Variants in TTC4 observed in about 807,000 individuals in gnomAD.
TTC4 encodes the protein hsp70/Hsp90 co-chaperone CNS1 homolog.
In TTC4, 36 loss-of-function variants were observed where a neutral mutation model predicts 51.9. The ratio of observed to expected loss-of-function variants is 0.69; its 90% CI spans 0.53 to 0.92. TTC4 has a LOEUF of 0.92. Ranked by LOEUF, TTC4 falls within the 40% of genes least tolerant of loss-of-function variation. The pLI is 0.00. For missense variants in TTC4, 399 were observed against 454.6 expected, an observed-to-expected ratio of 0.88 and a Z score of 1.11; for synonymous variants, 144 against 164.2, an observed-to-expected ratio of 0.88 and a Z score of 0.94.
At chr1:54,740,463 C>T (rs145218319) in intron 9 of TTC4, among the ~76,000 whole-genome samples, 1 of 152,294 alleles carries the variant, frequency 6.6e-6, no homozygotes, top group East Asian at 1.9e-4. Flanking sequence ...CTCATTTTCT[C>T]AGTTGTTAGC....
At chr1:54,724,147 A>G (rs756386461) in intron 5 of TTC4, among the ~76,000 whole-genome samples, 1 of 152,254 alleles carries the variant, frequency 6.6e-6, no homozygotes, top group Non-Finnish European at 1.5e-5. Flanking sequence ...GTCTGAGTAC[A>G]AGCTGATTCT....
In TTC4 at chr1:54,715,892, A is replaced by G; in HGVS notation, c.-17A>G. On this transcript the variant is annotated 5_prime_UTR_variant, in exon 1 of 10. Transcript: ENST00000371281. ...TTCACGGCGCTGGGACCCGGGCTGGAAGGCAGGGCATCAGCTATGGAACAA... is the reference window on the plus strand; with the variant it reads ...TTCACGGCGCTGGGACCCGGGCTGGGAGGCAGGGCATCAGCTATGGAACAA... 1.3e-6 allele frequency: 2 copies of G among 1,585,974 alleles called. No individual in the cohort carries two copies. Among genetic ancestry groups the G allele is most frequent in the Non-Finnish European group, 1.7e-6 (2 of 1,163,892 alleles).
intron 6 of TTC4, 78 bp from the exon 7 acceptor site, chr1:54,731,408 T>C: frequency 7.2e-7 from 1 of 1,387,594 alleles, no homozygotes; most frequent in Non-Finnish European, 9.8e-7. Context: ...ATGGTTTCTT[T>C]ATTTCAGTAA....
At chr1:54,722,333 A>G (rs1386219051) in intron 4 of TTC4, among the ~76,000 whole-genome samples, 1 of 152,200 alleles carries the variant, frequency 6.6e-6, no homozygotes, top group Non-Finnish European at 1.5e-5. Flanking sequence ...AAGCTTGGAT[A>G]TGCTTGGTCC....
intron 1 of TTC4, 179 bp downstream of exon 1, chr1:54,716,198 C>T (rs1338797610): frequency 9.8e-6 from 6 of 611,064 alleles, no homozygotes; most frequent in Non-Finnish European, 1.8e-5. Flanking sequence ...AGCTGAGAAC[C>T]TAGGTTTTGG....
At chr1:54,722,934 G>C in intron 5 of TTC4, 135 bp downstream of exon 5, 2 of 1,161,236 alleles carry the variant, frequency 1.7e-6, no homozygotes, top group East Asian at 2.5e-5. Context: ...GAACTCTGTG[G>C]AGCACACAGA....
chr1:54,719,896 CT>C (rs35056653), intron 3 of TTC4, among the ~76,000 whole-genome samples: 1,547 of 135,712 alleles, frequency 0.011, 17 homozygotes, highest in African/African-American at 0.026. Flanking sequence ...ATGTTCCATA[CT>C]TTTTTTTTTT....
intron 3 of TTC4, among the ~76,000 whole-genome samples, chr1:54,718,815 AG>A (rs1645707915): frequency 6.6e-6 from 1 of 151,828 alleles, no homozygotes; most frequent in African/African-American, 2.4e-5. Flanking sequence ...TAATTGAGAC[AG>A]GGGTCTCGCT....
chr1:54,741,892 CTCAAACTG>C lies in TTC4; in HGVS notation c.*380_*387del. 5 of 212,354 alleles carry C rather than the reference CTCAAACTG, an allele frequency of 2.4e-5. No homozygotes were observed. The highest frequency in any genetic ancestry group is 1.0e-4 in the South Asian group (1 of 9,630). 13.2% of individuals were successfully genotyped at this position (212,354 alleles called of 1,614,324 possible). ...GTTTGACACCTTAGAGAAGCTACCC[CTCAAACTG>C]CACATCTACACACAAACAAACAATG... On this transcript the variant is annotated 3_prime_UTR_variant, in exon 10 of 10. Transcript: ENST00000371281.
At chr1:54,723,170 A>C in intron 5 of TTC4, among the ~76,000 whole-genome samples, 1 of 152,180 alleles carries the variant, frequency 6.6e-6, no homozygotes, top group East Asian at 1.9e-4. Flanking sequence ...TGCCTACAGG[A>C]TTCAGTGTAG....
At position 54,741,664 on chromosome 1, in the gene TTC4, C is replaced by G; in HGVS notation, c.*151C>G. ...TGGCATCGTGGTGGGGGAGGAGCCT[C>G]TGGCTTCCCTAAACTGCAGCCTCTC... On this transcript the variant is annotated 3_prime_UTR_variant, in exon 10 of 10. Transcript: ENST00000371281. The G allele has an allele frequency of 7.6e-6, 5 of 658,766 alleles. No homozygotes were observed. The highest frequency in any genetic ancestry group is 1.9e-5 in the South Asian group (1 of 53,736). The allele number at this position is 658,766 out of a possible 1,614,324, so 40.8% of individuals were successfully genotyped here. A position where few individuals can be genotyped will look rare whatever the true frequency, so the allele number is the denominator to read the frequency against.
At chr1:54,716,509 G>C (rs745678139) in intron 1 of TTC4, 91 bp from the exon 2 acceptor site, 88 of 947,892 alleles carry the variant, frequency 9.3e-5, no homozygotes, top group Non-Finnish European at 1.2e-4. Flanking sequence ...TGCAAATCAT[G>C]ATGAGTAAAA....
At chr1:54,717,836 T>C in intron 3 of TTC4, 183 bp downstream of exon 3, 1 of 517,420 alleles carries the variant, frequency 1.9e-6, no homozygotes. Context: ...CAGGATGGAT[T>C]GTGTAATTCT....
chr1:54,734,756 A>C (rs112107004), intron 8 of TTC4, among the ~76,000 whole-genome samples: 4,745 of 152,310 alleles, frequency 0.031, 106 homozygotes, highest in Non-Finnish European at 0.05. Flanking sequence ...AAAAAATCAC[A>C]ATATCCAGTA....
chr1:54,724,676 ACT>A (rs202078605), intron 5 of TTC4, among the ~76,000 whole-genome samples: 110 of 152,138 alleles, frequency 7.2e-4, no homozygotes, highest in African/African-American at 2.6e-3. Flanking sequence ...ATGATGCAAA[ACT>A]TGACAACTCA....
In TTC4 at chr1:54,730,615, T is replaced by G. The variant is rs554406191; in HGVS notation, c.682-871T>G. Among the ~76,000 whole-genome samples the G allele has an allele frequency of 2.6e-5, 4 of 152,282 alleles. No individual in the cohort carries two copies. In the East Asian group the frequency reaches 7.7e-4, roughly 29 times the overall value. ...GGATATCATCAAATCTAATTTTGAT[T>G]GCATGTCATTTCCCCTCATGTGCTA... On this transcript the variant is annotated intron_variant, in intron 6 of 9. Coordinates refer to ENST00000371281, the MANE Select transcript of TTC4 (RefSeq NM_004623.5).
rs146692468 is a variant in TTC4, at chr1:54,740,283, G to A, written c.1062-1128G>A. ...TAGAGGTTTAGGAGGTAGATTGGATGGGAGCTGGTGTAGTGTTGAGTGATG... is the reference window on the plus strand; with the variant it reads ...TAGAGGTTTAGGAGGTAGATTGGATAGGAGCTGGTGTAGTGTTGAGTGATG... On this transcript the variant is annotated intron_variant, in intron 9 of 9. Transcript: ENST00000371281. Among the ~76,000 whole-genome samples the A allele has an allele frequency of 3.3e-5, 5 of 152,286 alleles. No individual in the cohort carries two copies. The East Asian group carries it at 9.6e-4, about 29-fold the overall frequency.
chr1:54,736,227 G>GAGAGAGAA (rs1557753019), intron 8 of TTC4, among the ~76,000 whole-genome samples: 1 of 109,020 alleles, frequency 9.2e-6, no homozygotes, highest in African/African-American at 4.7e-5. Flanking sequence ...AGAGAGAAGA[G>GAGAGAGAA]GAGAGGAGAG....
chr1:54,739,509 C>T (rs1406766478), intron 9 of TTC4, among the ~76,000 whole-genome samples: 2 of 152,170 alleles, frequency 1.3e-5, no homozygotes, highest in Non-Finnish European at 2.9e-5. Context: ...TTGTAAACTG[C>T]ACAGGGCAGT....
Sources: gnomAD v4.1 joint callset for allele counts (sites outside exome capture counted in the v4.1 genomes callset) on GRCh38, gnomAD v4.1.1 for gene constraint, MANE v1.5 for transcripts, NCBI Gene and HGNC (gene_info 2026-07-23, HGNC 2026-07-21) for gene names.